SEPTIN1: variants seen among roughly 807,000 people sequenced by gnomAD.
The protein encoded by SEPTIN1 is septin-1.
SEPTIN1 carries 52 observed loss-of-function variants against 50.7 expected under a neutral mutation model. The ratio of observed to expected loss-of-function variants is 1.03; its 90% confidence interval spans 0.82 to 1.29. The LOEUF is 1.29. Among genes scored for constraint, SEPTIN1 ranks in the 50% most tolerant of loss-of-function variants. The pLI, the probability that SEPTIN1 is intolerant of heterozygous loss-of-function variation, is 0.00. For synonymous variants in SEPTIN1, 204 were observed against 189.1 expected (o/e 1.08, Z -0.65); for missense variants, 455 against 490.7 (o/e 0.93, Z 0.69).
At position 30,381,894 on chromosome 16, in the gene SEPTIN1, G is replaced by A; in HGVS notation, c.197-11C>T. ...TCTGTGTCAAGCGAGCTGTGGGATG[G>A]GGGAGAGGTCAGGGATCCGGGGAGG... is the stretch of plus-strand genomic sequence containing the variant. On this transcript the variant is annotated splice_polypyrimidine_tract_variant and intron_variant, in intron 3 of 10. Transcript: ENST00000321367. This position sits in a 1 kb window ranked among gnomAD's most constrained non-coding sequence, Gnocchi z 4.3. The A allele has an allele frequency of 1.9e-6, 3 of 1,614,008 alleles. No homozygotes were observed. The highest frequency in any genetic ancestry group is 2.5e-6 in the Non-Finnish European group (3 of 1,179,982).
At position 30,378,711 on chromosome 16, in the gene SEPTIN1, G is replaced by A; in HGVS notation, c.942-11C>T. On this transcript the variant is annotated splice_polypyrimidine_tract_variant and intron_variant, in intron 9 of 10. Coordinates refer to ENST00000321367, the MANE Select transcript of SEPTIN1 (RefSeq NM_001365977.2). ...TGGCGGGAAAGCTTACTGCGGGACAGTGGGAAGGGGACAGGAATCAGGAGC... is the reference window on the plus strand; with the variant it reads ...TGGCGGGAAAGCTTACTGCGGGACAATGGGAAGGGGACAGGAATCAGGAGC... The A allele has an allele frequency of 1.2e-6, 2 of 1,604,832 alleles. No homozygotes were observed. Among genetic ancestry groups the A allele is most frequent in the Non-Finnish European group, 1.7e-6 (2 of 1,179,196 alleles).
Position 30,378,690 on chromosome 16 carries a change from G to A in SEPTIN1, c.952C>T (p.Arg318Cys), listed in dbSNP as rs755063266. 1.2e-6 allele frequency: 2 copies of A among 1,608,116 alleles called. No homozygotes were observed. Among genetic ancestry groups the A allele is most frequent in the Non-Finnish European group, 1.7e-6 (2 of 1,179,824 alleles). ...RDRASRSKLS[R>C]QSATEIPLPM... The stretch of plus-strand genomic sequence containing the variant: ...AGCGGGATCTCTGTGGCGCTCTGGC[G>A]GGAAAGCTTACTGCGGGACAGTGGG... The change falls in exon 10 of 11, where the codon CGC (arginine) becomes TGC (cysteine). Residue 318 changes from arginine (R) to cysteine (C), a missense_variant. Arg to Cys is a radical substitution (Grantham distance 180, BLOSUM62 -3). Coordinates refer to ENST00000321367, the MANE Select transcript of SEPTIN1 (RefSeq NM_001365977.2).
rs951519589 is a variant in SEPTIN1, at chr16:30,379,270, G to A, written c.776-87C>T. ...AGGGTCGGGTCTACAGGAAAGTCCTGCTGCCACTCTAGCGGAGGGTCCGCG... is the reference window on the plus strand; with the variant it reads ...AGGGTCGGGTCTACAGGAAAGTCCTACTGCCACTCTAGCGGAGGGTCCGCG... On this transcript the variant is annotated intron_variant, in intron 8 of 10. Coordinates refer to ENST00000321367, the MANE Select transcript of SEPTIN1 (RefSeq NM_001365977.2). 17 of 1,543,424 alleles carry A rather than the reference G, an allele frequency of 1.1e-5. No individual in the cohort carries two copies. In the African/African-American group the frequency reaches 2.2e-4, roughly 20 times the overall value.
At position 30,381,259 on chromosome 16, in the gene SEPTIN1, T is replaced by C; in HGVS notation, c.456-15A>G. The stretch of plus-strand genomic sequence containing the variant: ...GGGGCCGGAGCCTGCACCCAGGGAT[T>C]GGTCATTGCCCAGCCTCAGGGGGCA... On this transcript the variant is annotated splice_polypyrimidine_tract_variant and intron_variant, in intron 5 of 10. Transcript: ENST00000321367. This position sits in a 1 kb window ranked among gnomAD's most constrained non-coding sequence, Gnocchi z 4.3. The C allele has an allele frequency of 6.2e-7, 1 of 1,613,644 alleles. No individual in the cohort carries two copies. The highest frequency in any genetic ancestry group is 8.5e-7 in the Non-Finnish European group (1 of 1,179,654).
intron 9 of SEPTIN1, 144 bp downstream of exon 9, chr16:30,378,874 G>A (rs1480157962): frequency 2.7e-6 from 2 of 748,136 alleles, no homozygotes; most frequent in East Asian, 5.5e-5. Flanking sequence ...GAGAGACGGA[G>A]AGAGGGAGGG....
In SEPTIN1 at chr16:30,379,484, G is replaced by T; in HGVS notation, c.726C>A (p.Gly242=). The T allele has an allele frequency of 6.2e-7, 1 of 1,613,702 alleles. No homozygotes were observed. Reference sequence around the variant, plus strand: ...GGCGTCCCCTCACCGGCCGGTTCCCGCCATCCCTCACCACCTCGCATGATC... The same window carrying T: ...GGCGTCCCCTCACCGGCCGGTTCCCTCCATCCCTCACCACCTCGCATGATC... ...VVGSCEVVRD[G]GNRPVRGRRY... Residue 242 remains glycine, a synonymous_variant, in exon 8 of 11, where the codon GGC becomes GGA. Coordinates refer to ENST00000321367, the MANE Select transcript of SEPTIN1 (RefSeq NM_001365977.2).
chr16:30,382,083 AGGGTCTTAC>A lies in SEPTIN1; in HGVS notation c.196+1_196+9del. The A allele has an allele frequency of 6.3e-7, 1 of 1,577,698 alleles. No homozygotes were observed. Among genetic ancestry groups the A allele is most frequent in the South Asian group, 1.1e-5 (1 of 87,682 alleles). On this transcript the variant is annotated splice_donor_variant and splice_donor_5th_base_variant and intron_variant, in intron 3 of 10. Transcript: ENST00000321367. LOFTEE classifies it high-confidence loss of function. This position sits in a 1 kb window ranked among gnomAD's most constrained non-coding sequence, Gnocchi z 4.8. ...GGGCTACTGCCTCAAGAGGGTGGGG[AGGGTCTTAC>A]CACTGGCCTCTGGCACCTGGCGATC...
rs1386244185 is a variant in SEPTIN1 at position 30,381,911 on chromosome 16, C to T, written c.197-28G>A. ...GTGGGATGGGGGAGAGGTCAGGGAT[C>T]CGGGGAGGCTCTGAGGCAGAATTAA... On this transcript the variant is annotated intron_variant, in intron 3 of 10. Coordinates refer to ENST00000321367, the MANE Select transcript of SEPTIN1 (RefSeq NM_001365977.2). This position sits in a 1 kb window ranked among gnomAD's most constrained non-coding sequence, Gnocchi z 4.3. The T allele has an allele frequency of 6.2e-7, 1 of 1,613,434 alleles. No homozygotes were observed. The highest frequency in any genetic ancestry group is 1.1e-5 in the South Asian group (1 of 91,038).
At position 30,382,397 on chromosome 16, in the gene SEPTIN1, T is replaced by C. The variant is rs764728739; in HGVS notation, c.19-32A>G. ...ATGGGGGTGGACAATATGAGGCTGC[T>C]GGCAATGGCAGGCAGGGTCCCCAGG... On this transcript the variant is annotated intron_variant, in intron 1 of 10. Coordinates refer to ENST00000321367, the MANE Select transcript of SEPTIN1 (RefSeq NM_001365977.2). The surrounding 1 kb of genome is among the most constrained non-coding windows in gnomAD (Gnocchi z 4.8). 1 of 1,584,538 alleles carries C rather than the reference T, an allele frequency of 6.3e-7. No individual in the cohort carries two copies. The highest frequency in any genetic ancestry group is 2.2e-5 in the East Asian group (1 of 44,590).
chr16:30,381,183 CTG>C lies in SEPTIN1; in HGVS notation c.515_516del (p.Pro172ArgfsTer38). 6.2e-7 allele frequency: 1 copy of C among 1,614,130 alleles called. No individual in the cohort carries two copies. Among genetic ancestry groups the C allele is most frequent in the Non-Finnish European group, 8.5e-7 (1 of 1,180,020 alleles). On this transcript the variant is annotated frameshift_variant, in exon 6 of 11. Coordinates refer to ENST00000321367, the MANE Select transcript of SEPTIN1 (RefSeq NM_001365977.2). LOFTEE classifies it high-confidence loss of function. This position sits in a 1 kb window ranked among gnomAD's most constrained non-coding sequence, Gnocchi z 4.3. ...ATCAGAGCATCCGCTTTGCCAATGACTGGGATGATGTTGACTTTCTCGTGTAC... is the reference window on the plus strand; with the variant it reads ...ATCAGAGCATCCGCTTTGCCAATGACGGATGATGTTGACTTTCTCGTGTAC... ...RAVHEKVNII[P>X]VIGKADALMP... is the part of the protein sequence containing the mutation.
chr16:30,378,309 C>T lies in SEPTIN1; in HGVS notation c.*125G>A. On this transcript the variant is annotated 3_prime_UTR_variant, in exon 11 of 11. Coordinates refer to ENST00000321367, the MANE Select transcript of SEPTIN1 (RefSeq NM_001365977.2). ...TACGGACTCAGGCTGGGAGAACCTC[C>T]CCCTAGCCCGCGCGAGGGCGGCACC... 1.1e-6 allele frequency: 1 copy of T among 947,496 alleles called. No homozygotes were observed. The highest frequency in any genetic ancestry group is 1.5e-6 in the Non-Finnish European group (1 of 649,116). 58.7% of individuals were successfully genotyped at this position (947,496 alleles called of 1,614,324 possible).
rs974211504 is a variant in SEPTIN1 at position 30,379,013 on chromosome 16, C to T, written c.941+5G>A. 6.2e-7 allele frequency: 1 copy of T among 1,612,278 alleles called. No homozygotes were observed. The highest frequency in any genetic ancestry group is 8.5e-7 in the Non-Finnish European group (1 of 1,179,430). On this transcript the variant is annotated splice_donor_5th_base_variant and intron_variant, in intron 9 of 10. Coordinates refer to ENST00000321367, the MANE Select transcript of SEPTIN1 (RefSeq NM_001365977.2). Reference sequence around the variant, plus strand: ...GGCTCTGATACTGTCCGCCCCGGGTCTCACCTGCGGCTGGCTCGATCGCGA... The same window carrying T: ...GGCTCTGATACTGTCCGCCCCGGGTTTCACCTGCGGCTGGCTCGATCGCGA...
chr16:30,379,191 G>T lies in SEPTIN1; in HGVS notation c.776-8C>A, dbSNP rs113348440. The T allele has an allele frequency of 2.5e-6, 4 of 1,613,720 alleles. No homozygotes were observed. The highest frequency in any genetic ancestry group is 1.7e-5 in the Admixed American group (1 of 60,008). On this transcript the variant is annotated splice_region_variant and splice_polypyrimidine_tract_variant and intron_variant, in intron 8 of 10. Coordinates refer to ENST00000321367, the MANE Select transcript of SEPTIN1 (RefSeq NM_001365977.2). The stretch of plus-strand genomic sequence containing the variant: ...AGTGATGTGGGTTCTCCACTGGAGG[G>T]GGGGCGGCGCGGACCAGCGAACGTC...
At position 30,378,506 on chromosome 16, in the gene SEPTIN1, T is replaced by C. The variant is rs2049783898; in HGVS notation, c.1047A>G (p.Gln349=). ...REKDEELRRM[Q]EMLEKMQAQM... ...GGGCCTGCATCTTCTCCAGCATCTC[T>C]TGCATGCGGCGCAGCTGTGCAGGGC... is the stretch of plus-strand genomic sequence containing the variant. The change falls in exon 11 of 11, where the codon CAA becomes CAG. Residue 349 remains glutamine, a synonymous_variant. Coordinates refer to ENST00000321367, the MANE Select transcript of SEPTIN1 (RefSeq NM_001365977.2). 6.3e-7 allele frequency: 1 copy of C among 1,580,802 alleles called. No individual in the cohort carries two copies. The highest frequency in any genetic ancestry group is 8.6e-7 in the Non-Finnish European group (1 of 1,162,920).
chr16:30,379,185 T>C lies in SEPTIN1; in HGVS notation c.776-2A>G. The C allele has an allele frequency of 6.2e-7, 1 of 1,613,822 alleles. No individual in the cohort carries two copies. Among genetic ancestry groups the C allele is most frequent in the East Asian group, 2.2e-5 (1 of 44,870 alleles). Reference sequence around the variant, plus strand: ...AATCGCAGTGATGTGGGTTCTCCACTGGAGGGGGGGCGGCGCGGACCAGCG... The same window carrying C: ...AATCGCAGTGATGTGGGTTCTCCACCGGAGGGGGGGCGGCGCGGACCAGCG... On this transcript the variant is annotated splice_acceptor_variant, in intron 8 of 10. Transcript: ENST00000321367. LOFTEE classifies it high-confidence loss of function.
chr16:30,378,708 A>G lies in SEPTIN1; in HGVS notation c.942-8T>C. ...CTCTGGCGGGAAAGCTTACTGCGGG[A>G]CAGTGGGAAGGGGACAGGAATCAGG... On this transcript the variant is annotated splice_region_variant and splice_polypyrimidine_tract_variant and intron_variant, in intron 9 of 10. Coordinates refer to ENST00000321367, the MANE Select transcript of SEPTIN1 (RefSeq NM_001365977.2). 2 of 1,604,732 alleles carry G rather than the reference A, an allele frequency of 1.2e-6. No homozygotes were observed. Among genetic ancestry groups the G allele is most frequent in the Non-Finnish European group, 1.7e-6 (2 of 1,179,158 alleles).
rs1346392722 is a variant in SEPTIN1, at chr16:30,378,682, G to A, written c.960C>T (p.Ser320=). The change falls in exon 10 of 11, where the codon AGC becomes AGT. Residue 320 remains serine, a synonymous_variant. Transcript: ENST00000321367. ...GCATGGGCAGCGGGATCTCTGTGGC[G>A]CTCTGGCGGGAAAGCTTACTGCGGG... The part of the protein sequence containing the change: ...RASRSKLSRQ[S]ATEIPLPMLP... 4.4e-6 allele frequency: 7 copies of A among 1,608,560 alleles called. No individual in the cohort carries two copies. In the South Asian group the frequency reaches 6.6e-5, roughly 15 times the overall value.
At position 30,382,187 on chromosome 16, in the gene SEPTIN1, C is replaced by T. The variant is rs780910675; in HGVS notation, c.110-8G>A. The T allele has an allele frequency of 6.2e-7, 1 of 1,612,138 alleles. No individual in the cohort carries two copies. The highest frequency in any genetic ancestry group is 1.1e-5 in the South Asian group (1 of 90,826). On this transcript the variant is annotated splice_polypyrimidine_tract_variant and splice_region_variant and intron_variant, in intron 2 of 10. Transcript: ENST00000321367. The surrounding 1 kb of genome is among the most constrained non-coding windows in gnomAD (Gnocchi z 4.8). ...TCCCTAGGCCTGACTCCCCTGTGGA[C>T]AGAACAGGCCCAACTGGTCAGGGGA...
intron 6 of SEPTIN1, chr16:30,380,768 T>TAA: frequency 4.9e-5 from 13 of 267,666 alleles, no homozygotes; most frequent in South Asian, 8.0e-5. Context: ...AGACTCTATC[T>TAA]AAAAAAAAAA....
Sources: gnomAD v4.1 joint callset for allele counts on GRCh38, gnomAD v4.1.1 for gene constraint, Gnocchi (gnomAD v3.1) non-coding constraint, MANE v1.5 for transcripts, NCBI Gene and HGNC (gene_info 2026-07-23, HGNC 2026-07-21) for gene names.